Variants in CNTN5 observed in about 807,000 individuals in gnomAD.
CNTN5 encodes contactin 5.
A neutral mutation model predicts 129.1 loss-of-function variants in CNTN5; 77 were observed. The ratio of observed to expected loss-of-function variants is 0.60; its 90% confidence interval spans 0.50 to 0.72. CNTN5 has a LOEUF of 0.72. Ranked by LOEUF, CNTN5 falls within the 30% of genes least tolerant of loss-of-function variation. The pLI, the probability that CNTN5 is intolerant of heterozygous loss-of-function variation, is 0.00. For missense variants in CNTN5, 1,478 were observed against 1,328.8 expected, an observed-to-expected ratio of 1.11 and a Z score of -1.75; for synonymous variants, 509 against 465.6, an observed-to-expected ratio of 1.09 and a Z score of -1.20.
chr11:99,969,864 A>G (rs1280044621), intron 8 of CNTN5, among the ~76,000 whole-genome samples: 1 of 152,148 alleles, frequency 6.6e-6, no homozygotes, highest in Non-Finnish European at 1.5e-5. Context: ...TTATCTTCTT[A>G]AATGTAGGTG....
intron 1 of CNTN5, among the ~76,000 whole-genome samples, chr11:99,258,126 T>G (rs1461532598): frequency 1.3e-5 from 2 of 152,082 alleles, no homozygotes; most frequent in South Asian, 4.1e-4. Flanking sequence ...TTTATGAGAC[T>G]TCTCAAACAA....
Position 99,477,737 on chromosome 11 carries a change from G to C in CNTN5, c.-70-78408G>C, listed in dbSNP as rs553383124. ...AGCCAAGGGAGGAGGATTGCCTGAGGCCAGGAATTCAAGACCAACCTGGCC... is the reference window on the plus strand; with the variant it reads ...AGCCAAGGGAGGAGGATTGCCTGAGCCCAGGAATTCAAGACCAACCTGGCC... On this transcript the variant is annotated intron_variant, in intron 2 of 24. Coordinates refer to ENST00000524871, the MANE Select transcript of CNTN5 (RefSeq NM_014361.4). Among the ~76,000 whole-genome samples the C allele has an allele frequency of 2.0e-5, 3 of 151,334 alleles. No homozygotes were observed. The South Asian group carries it at 6.3e-4, about 32-fold the overall frequency.
intron 8 of CNTN5, among the ~76,000 whole-genome samples, chr11:99,957,252 G>A (rs1166199048): frequency 6.6e-6 from 1 of 152,062 alleles, no homozygotes. Context: ...TGCCAGAAAG[G>A]GAGAAAGAAT....
chr11:100,119,087 A>G (rs2138153278), intron 13 of CNTN5, among the ~76,000 whole-genome samples: 1 of 151,820 alleles, frequency 6.6e-6, no homozygotes, highest in Middle Eastern at 3.4e-3. Context: ...TTTGAATGTC[A>G]CTCACCAAGG....
intron 13 of CNTN5, among the ~76,000 whole-genome samples, chr11:100,139,069 A>T (rs964107641): frequency 6.6e-6 from 1 of 152,154 alleles, no homozygotes. Context: ...GTCCTTATTG[A>T]TGGAACCATT....
At chr11:99,892,098 A>C (rs949895874) in intron 6 of CNTN5, among the ~76,000 whole-genome samples, 1 of 152,168 alleles carries the variant, frequency 6.6e-6, no homozygotes, top group Middle Eastern at 3.4e-3. Flanking sequence ...TTTTCTTCGT[A>C]TGTTTGTTGG....
At chr11:99,697,895 T>A (rs1192741230) in intron 3 of CNTN5, among the ~76,000 whole-genome samples, 3 of 151,724 alleles carry the variant, frequency 2.0e-5, no homozygotes, top group Admixed American at 2.0e-4. Flanking sequence ...CTGATTACAA[T>A]TTAACATTCT....
chr11:99,195,110 TA>T (rs979899913), intron 1 of CNTN5, among the ~76,000 whole-genome samples: 1 of 152,276 alleles, frequency 6.6e-6, no homozygotes, highest in Non-Finnish European at 1.5e-5. Flanking sequence ...CTCAATGTAT[TA>T]AAAAAACTTT....
At chr11:99,501,842 T>C (rs970700155) in intron 2 of CNTN5, among the ~76,000 whole-genome samples, 39 of 152,364 alleles carry the variant, frequency 2.6e-4, no homozygotes, top group African/African-American at 8.9e-4. Flanking sequence ...CACCTGTCAG[T>C]ATTTTCAGTA....
intron 1 of CNTN5, among the ~76,000 whole-genome samples, chr11:99,157,430 A>T (rs1481562400): frequency 1.3e-5 from 2 of 152,072 alleles, no homozygotes; most frequent in East Asian, 3.8e-4. Context: ...TATTAGTGTA[A>T]ATCACTGCAT....
At chr11:100,033,161 T>C (rs1941810871) in intron 9 of CNTN5, among the ~76,000 whole-genome samples, 1 of 152,120 alleles carries the variant, frequency 6.6e-6, no homozygotes, top group Admixed American at 6.6e-5. Context: ...TAATAAAATG[T>C]AATGAGCCCA....
chr11:100,209,889 G>C (rs371667947), intron 15 of CNTN5, among the ~76,000 whole-genome samples: 1 of 152,156 alleles, frequency 6.6e-6, no homozygotes, highest in Non-Finnish European at 1.5e-5. Context: ...TAAGGGTATT[G>C]TTATTTGTGT....
intron 6 of CNTN5, among the ~76,000 whole-genome samples, chr11:99,873,900 T>C (rs1948568398): frequency 6.6e-6 from 1 of 152,096 alleles, no homozygotes; most frequent in Non-Finnish European, 1.5e-5. Flanking sequence ...AATGATATCA[T>C]ATCCTTTGCA....
intron 6 of CNTN5, among the ~76,000 whole-genome samples, chr11:99,847,257 C>T (rs1204586330): frequency 1.3e-5 from 2 of 152,170 alleles, no homozygotes; most frequent in Non-Finnish European, 2.9e-5. Flanking sequence ...ATCCATATGA[C>T]TGTCCTAGGT....
At chr11:99,773,104 C>T (rs1945000574) in intron 3 of CNTN5, among the ~76,000 whole-genome samples, 1 of 151,932 alleles carries the variant, frequency 6.6e-6, no homozygotes, top group Non-Finnish European at 1.5e-5. Flanking sequence ...TCAAAAAGAC[C>T]CTCTTGTGCT....
intron 1 of CNTN5, among the ~76,000 whole-genome samples, chr11:99,058,800 A>G (rs1032232512): frequency 1.3e-5 from 2 of 152,016 alleles, no homozygotes; most frequent in South Asian, 4.1e-4. Flanking sequence ...AAAATGAAAA[A>G]TGGGCAAGGT....
intron 3 of CNTN5, among the ~76,000 whole-genome samples, chr11:99,621,493 C>G (rs528133967): frequency 6.6e-6 from 1 of 152,044 alleles, no homozygotes; most frequent in African/African-American, 2.4e-5. Context: ...AGTGAGAACA[C>G]TGTTTTCATT....
At chr11:99,859,518 A>G (rs1236582067) in intron 6 of CNTN5, among the ~76,000 whole-genome samples, 1 of 151,976 alleles carries the variant, frequency 6.6e-6, no homozygotes, top group African/African-American at 2.4e-5. Flanking sequence ...ACCCCACTTA[A>G]TAGTTTCTAG....
intron 9 of CNTN5, among the ~76,000 whole-genome samples, chr11:100,034,313 A>G (rs1941869568): frequency 1.3e-5 from 2 of 152,184 alleles, no homozygotes; most frequent in Non-Finnish European, 1.5e-5. Context: ...CTCCATTGTT[A>G]TTATCTAACT....
Sources: allele counts gnomAD v4.1 joint callset (sites outside exome capture counted in the v4.1 genomes callset), GRCh38; gene constraint gnomAD v4.1.1; transcripts MANE v1.5; gene names NCBI Gene and HGNC (gene_info 2026-07-23, HGNC 2026-07-21).